Variants in DNAH17 observed in about 807,000 individuals in gnomAD.
DNAH17 encodes the protein dynein axonemal heavy chain 17.
In DNAH17, 376 loss-of-function variants were observed where a neutral mutation model predicts 485.6. The observed-to-expected ratio is 0.77, with a 90% CI of 0.71 to 0.84. DNAH17 has a LOEUF of 0.84. DNAH17 is among the 40% of genes least tolerant of loss of function. The pLI, the probability that DNAH17 is intolerant of heterozygous loss-of-function variation, is 0.00. For synonymous variants in DNAH17, 3,031 were observed against 2,405.9 expected (o/e 1.26, Z -7.60); for missense variants, 6,370 against 5,839.3 (o/e 1.09, Z -2.96).
intron 11 of DNAH17, among the ~76,000 whole-genome samples, chr17:78,563,423 T>G (rs2092200721): frequency 6.6e-6 from 1 of 152,062 alleles, no homozygotes; most frequent in Non-Finnish European, 1.5e-5. Flanking sequence ...TTCCTCTTAA[T>G]GGTTTATGAC....
At position 78,485,955 on chromosome 17, in the gene DNAH17, G is replaced by C; in HGVS notation, c.7275+5C>G. 1 of 1,611,086 alleles carries C rather than the reference G, an allele frequency of 6.2e-7. No homozygotes were observed. Among genetic ancestry groups the C allele is most frequent in the Non-Finnish European group, 8.5e-7 (1 of 1,179,396 alleles). On this transcript the variant is annotated splice_donor_5th_base_variant and intron_variant, in intron 46 of 80. Transcript: ENST00000389840. ...AGTCGGTGGCCCTGCTTTGGGGACA[G>C]TTACCTGCAGTGGGACATCGGGATC...
In DNAH17 at chr17:78,486,042, T is replaced by G. The variant is rs762604849; in HGVS notation, c.7193A>C (p.Tyr2398Ser). Residue 2398 changes from tyrosine (Y) to serine (S), a missense_variant, in exon 46 of 81, where the codon TAC (tyrosine) becomes TCC (serine). Coordinates refer to ENST00000389840, the MANE Select transcript of DNAH17 (RefSeq NM_173628.4). ...GAACTTTTTTGTGTCAGGATCAATG[T>G]AGTAGTCAAAAATCGTTCCCTGCGA... ...FPSQGTIFDY[Y>S]IDPDTKKFLP... 1.7e-5 allele frequency: 28 copies of G among 1,613,846 alleles called. No individual in the cohort carries two copies. Among genetic ancestry groups the G allele is most frequent in the Non-Finnish European group, 2.3e-5 (27 of 1,179,890 alleles).
At chr17:78,430,355 A>G (rs1196394307) in intron 75 of DNAH17, among the ~76,000 whole-genome samples, 1 of 152,176 alleles carries the variant, frequency 6.6e-6, no homozygotes, top group Non-Finnish European at 1.5e-5. Flanking sequence ...AGCATGTGAA[A>G]TCCTGCCGCT....
At chr17:78,443,731 G>A (rs569369535) in intron 71 of DNAH17, among the ~76,000 whole-genome samples, 1 of 152,098 alleles carries the variant, frequency 6.6e-6, no homozygotes, top group Admixed American at 6.6e-5. Context: ...TAGACTTTTT[G>A]TAGAGATGGG....
At chr17:78,446,509 G>A (rs141841021) in intron 69 of DNAH17, among the ~76,000 whole-genome samples, 1 of 152,188 alleles carries the variant, frequency 6.6e-6, no homozygotes, top group Non-Finnish European at 1.5e-5. Flanking sequence ...TCCTTCCTCT[G>A]TAAGGCCGAG....
chr17:78,464,376 T>C (rs1218722373), intron 56 of DNAH17, among the ~76,000 whole-genome samples: 2 of 152,188 alleles, frequency 1.3e-5, no homozygotes, highest in African/African-American at 4.8e-5. Context: ...TCTCCTGCCT[T>C]AGCCTCTGGA....
At chr17:78,566,792 C>T in intron 10 of DNAH17, 62 bp from the exon 11 acceptor site, 1 of 1,405,792 alleles carries the variant, frequency 7.1e-7, no homozygotes, top group Non-Finnish European at 9.8e-7. Context: ...AGGGCACCCT[C>T]TCCAGCCCCT....
At chr17:78,566,455 C>T (rs1048089877) in intron 11 of DNAH17, among the ~76,000 whole-genome samples, 159 bp downstream of exon 11, 3 of 152,294 alleles carry the variant, frequency 2.0e-5, no homozygotes, top group Admixed American at 2.0e-4. Flanking sequence ...ACTGGGTGTT[C>T]ACGGCTGACT....
At chr17:78,505,553 C>A in intron 30 of DNAH17, 108 bp from the exon 31 acceptor site, 1 of 1,390,028 alleles carries the variant, frequency 7.2e-7, no homozygotes. Context: ...TTGGAATATA[C>A]TCCCCATCTT....
chr17:78,475,816 G>A lies in DNAH17; in HGVS notation c.8172C>T (p.Leu2724=). The change falls in exon 53 of 81, where the codon CTC becomes CTT. Residue 2724 remains leucine, a synonymous_variant. Transcript: ENST00000389840. The part of the protein sequence containing the change: ...KKFFDDLGDE[L]LFAKPNIFCH... ...AGAAGATATTTGGCTTGGCAAATAA[G>A]AGTTCATCACCAAGATCCTAGAAAA... is the stretch of plus-strand genomic sequence containing the variant. The A allele has an allele frequency of 6.2e-7, 1 of 1,613,362 alleles. No homozygotes were observed. The highest frequency in any genetic ancestry group is 8.5e-7 in the Non-Finnish European group (1 of 1,179,720).
chr17:78,537,047 G>A lies in DNAH17; in HGVS notation c.2859+252C>T, dbSNP rs577839500. Among the ~76,000 whole-genome samples, 391 of 151,864 alleles carry A rather than the reference G, an allele frequency of 2.6e-3. 3 individuals are homozygous for A. The highest frequency in any genetic ancestry group is 3.4e-3 in the Non-Finnish European group (232 of 67,916). ...AAAAAAATTAGCCGGGTGTGGTGGC[G>A]GGTGCCTGTAATCCCAGCTACTCGG... is the stretch of plus-strand genomic sequence containing the variant. On this transcript the variant is annotated intron_variant, in intron 19 of 80. Transcript: ENST00000389840.
At position 78,537,397 on chromosome 17, in the gene DNAH17, C is replaced by G. The variant is rs554869268; in HGVS notation, c.2761G>C (p.Asp921His). The G allele has an allele frequency of 6.2e-7, 1 of 1,613,302 alleles. No homozygotes were observed. The highest frequency in any genetic ancestry group is 2.2e-5 in the East Asian group (1 of 44,866). Residue 921 changes from aspartate (D) to histidine (H), a missense_variant, in exon 19 of 81, where the codon GAT becomes CAT. Transcript: ENST00000389840. ...TCGATCAGTGCCAGGAAGCCGCGAT[C>G]TGAGCCCACCTCCAGGGTCGGGTTG... ...TFNPTLEVGSDRGFLALIEGL... is the reference protein window; with the variant it reads ...TFNPTLEVGSHRGFLALIEGL...
Position 78,539,889 on chromosome 17 carries a change from A to C in DNAH17, c.2533-9T>G. On this transcript the variant is annotated splice_polypyrimidine_tract_variant and intron_variant, in intron 17 of 80. Transcript: ENST00000389840. ...AATAGTTCTGCGTTTTCCTGCAAAC[A>C]GAAGCGCACAGTTGGGCCTCACTTC... 6.4e-7 allele frequency: 1 copy of C among 1,564,782 alleles called. No individual in the cohort carries two copies. Among genetic ancestry groups the C allele is most frequent in the South Asian group, 1.2e-5 (1 of 82,736 alleles).
chr17:78,479,126 G>A lies in DNAH17; in HGVS notation c.7901-10C>T, dbSNP rs780425211. 3.7e-6 allele frequency: 6 copies of A among 1,613,250 alleles called. No homozygotes were observed. The Admixed American group carries it at 6.7e-5, about 18-fold the overall frequency. ...ATTTTCTGATGCAAAGCTGTTAGAG[G>A]AAAAGGACGTGTCAATTCTCATGTA... is the stretch of plus-strand genomic sequence containing the variant. On this transcript the variant is annotated splice_polypyrimidine_tract_variant and intron_variant, in intron 50 of 80. Transcript: ENST00000389840.
intron 1 of DNAH17, among the ~76,000 whole-genome samples, chr17:78,575,561 C>T (rs1438652122): frequency 3.9e-5 from 6 of 152,294 alleles, no homozygotes; most frequent in Non-Finnish European, 4.4e-5. Context: ...GGCCGTGAGG[C>T]TCAGCGCTCA....
At chr17:78,498,646 C>T (rs575316421) in intron 37 of DNAH17, among the ~76,000 whole-genome samples, 26 of 152,328 alleles carry the variant, frequency 1.7e-4, no homozygotes, top group Admixed American at 1.5e-3. Context: ...CTTCCTCCCT[C>T]TCCCCCTCCT....
rs1230693196 is a variant in DNAH17 at position 78,484,739 on chromosome 17, AC to A, written c.7649+128del. On this transcript the variant is annotated intron_variant, in intron 48 of 80. Transcript: ENST00000389840. ...CGTGTCTCCCTACCCACGTTGCAGCACCCCCCCCACCGCCCCACACCAGTCC... is the reference window on the plus strand; with the variant it reads ...CGTGTCTCCCTACCCACGTTGCAGCACCCCCCCACCGCCCCACACCAGTCC... 1.1e-3 allele frequency: 389 copies of A among 348,864 alleles called. 8 individuals are homozygous for A. Among genetic ancestry groups the A allele is most frequent in the African/African-American group, 4.1e-3 (152 of 36,818 alleles). 21.6% of individuals were successfully genotyped at this position (348,864 alleles called of 1,614,324 possible).
At chr17:78,553,281 GTGT>G (rs2091944219) in intron 14 of DNAH17, among the ~76,000 whole-genome samples, 1 of 42,092 alleles carries the variant, frequency 2.4e-5, no homozygotes, top group African/African-American at 1.2e-4. Flanking sequence ...CCAGGTTTTT[GTGT>G]TTTTTTTTTT....
chr17:78,536,188 C>A (rs1293756349), intron 19 of DNAH17, among the ~76,000 whole-genome samples: 1 of 152,036 alleles, frequency 6.6e-6, no homozygotes, highest in Non-Finnish European at 1.5e-5. Context: ...ACCTGTAATC[C>A]CAGCACTTTG....
Sources: gnomAD v4.1 joint callset for allele counts (sites outside exome capture counted in the v4.1 genomes callset) on GRCh38, gnomAD v4.1.1 for gene constraint, MANE v1.5 for transcripts, NCBI Gene and HGNC (gene_info 2026-07-23, HGNC 2026-07-21) for gene names.